FHOD3: variants seen among roughly 807,000 people sequenced by gnomAD.
The protein encoded by FHOD3 is formin homology 2 domain containing 3.
A neutral mutation model predicts 173.0 loss-of-function variants in FHOD3; 90 were observed. That is an observed-to-expected ratio of 0.52 (90% CI 0.44 to 0.62). The LOEUF is 0.62. Among genes scored for constraint, FHOD3 ranks in the 20% least tolerant of loss-of-function variants. The pLI is 0.00. For missense variants in FHOD3, 1,945 were observed against 2,034.7 expected (o/e 0.96, Z 0.85); for synonymous variants, 828 against 823.0 (o/e 1.01, Z -0.10).
intron 5 of FHOD3, among the ~76,000 whole-genome samples, chr18:36,553,205 G>T (rs1282918684): frequency 3.3e-5 from 5 of 152,144 alleles, no homozygotes; most frequent in Non-Finnish European, 5.9e-5. Context: ...TTGATGTGCT[G>T]CTGGATTCGA....
intron 19 of FHOD3, among the ~76,000 whole-genome samples, chr18:36,727,846 A>G (rs998293232): frequency 2.0e-5 from 3 of 152,220 alleles, no homozygotes; most frequent in Non-Finnish European, 4.4e-5. Context: ...TCTCAGGGTG[A>G]TGGCAAGGGG....
At chr18:36,431,113 A>G (rs571893324) in intron 3 of FHOD3, among the ~76,000 whole-genome samples, 36 of 152,378 alleles carry the variant, frequency 2.4e-4, no homozygotes, top group Admixed American at 6.5e-4. Context: ...ATGGAAATGC[A>G]TGTCCTGCCT....
chr18:36,532,196 T>C (rs1411813767), intron 5 of FHOD3, among the ~76,000 whole-genome samples: 2 of 152,222 alleles, frequency 1.3e-5, no homozygotes, highest in African/African-American at 4.8e-5. Context: ...CAAGGCTCTG[T>C]GATTTCTAGA....
chr18:36,555,413 A>G (rs544029209), intron 5 of FHOD3, among the ~76,000 whole-genome samples: 43 of 151,392 alleles, frequency 2.8e-4, no homozygotes, highest in African/African-American at 7.5e-4. Context: ...AACATGCTTT[A>G]TATGACTTCA....
chr18:36,454,823 C>A (rs1390491098), intron 3 of FHOD3, among the ~76,000 whole-genome samples: 2 of 152,136 alleles, frequency 1.3e-5, no homozygotes, highest in Non-Finnish European at 2.9e-5. Context: ...AAACTTTCAA[C>A]CAGGTGTTCC....
chr18:36,761,252 A>AC (rs1244059194), intron 27 of FHOD3, among the ~76,000 whole-genome samples: 4 of 152,090 alleles, frequency 2.6e-5, no homozygotes, highest in Admixed American at 2.0e-4. Context: ...CTACAGCACT[A>AC]CCCCTTTGTC....
chr18:36,718,632 T>A lies in FHOD3; in HGVS notation c.3334T>A (p.Ser1112Thr), dbSNP rs780861283. ...CCGACGCTGCAGAGAATTCCTGTGGTCAAAACTGGAACCCATTAAGGTGGA... is the reference window on the plus strand; with the variant it reads ...CCGACGCTGCAGAGAATTCCTGTGGACAAAACTGGAACCCATTAAGGTGGA... ...NNRRCREFLW[S>T]KLEPIKVDTS... Residue 1112 changes from serine to threonine, a missense_variant, in exon 19 of 29, where the codon TCA (serine) becomes ACA (threonine). By Grantham distance (58) the Ser-to-Thr change is moderately conservative (BLOSUM62 1). Coordinates refer to ENST00000590592, the MANE Select transcript of FHOD3 (RefSeq NM_001281740.3). The A allele has an allele frequency of 6.2e-7, 1 of 1,614,108 alleles. No homozygotes were observed. Among genetic ancestry groups the A allele is most frequent in the Non-Finnish European group, 8.5e-7 (1 of 1,180,016 alleles).
chr18:36,769,526 G>A, intron 28 of FHOD3, 100 bp downstream of exon 28: 1 of 1,427,994 alleles, frequency 7.0e-7, no homozygotes, highest in Non-Finnish European at 9.4e-7. Flanking sequence ...CCAGTGAATT[G>A]TCAGTGGCTC....
chr18:36,437,222 A>T (rs1276957716), intron 3 of FHOD3, among the ~76,000 whole-genome samples: 1 of 152,050 alleles, frequency 6.6e-6, no homozygotes, highest in Non-Finnish European at 1.5e-5. Context: ...GACTCAAGTG[A>T]TCCTCCCACC....
chr18:36,567,186 C>G (rs368107334), intron 5 of FHOD3, among the ~76,000 whole-genome samples: 3 of 152,228 alleles, frequency 2.0e-5, no homozygotes, highest in East Asian at 1.9e-4. Flanking sequence ...AGCAAAGCAT[C>G]TGGGAGTTAG....
intron 17 of FHOD3, among the ~76,000 whole-genome samples, chr18:36,708,278 A>G (rs112796086): frequency 2.6e-5 from 4 of 152,294 alleles, no homozygotes; most frequent in African/African-American, 9.6e-5. Flanking sequence ...ACTTCACATT[A>G]TGAGCAAATA....
chr18:36,602,813 T>C (rs756421039), intron 8 of FHOD3, 45 bp downstream of exon 8: 3 of 1,424,976 alleles, frequency 2.1e-6, no homozygotes, highest in African/African-American at 2.8e-5. Flanking sequence ...CCTAAAAAGA[T>C]ATGTTAAAGC....
At chr18:36,640,259 C>G (rs2035210377) in intron 10 of FHOD3, among the ~76,000 whole-genome samples, 1 of 152,192 alleles carries the variant, frequency 6.6e-6, no homozygotes, top group African/African-American at 2.4e-5. Flanking sequence ...GATGTCTTTT[C>G]ATTCTCTTGG....
At chr18:36,697,799 A>G (rs887704874) in intron 17 of FHOD3, among the ~76,000 whole-genome samples, 7 of 152,218 alleles carry the variant, frequency 4.6e-5, no homozygotes, top group Non-Finnish European at 8.8e-5. Context: ...ATTTAGACAT[A>G]GAGTATCATG....
At chr18:36,625,853 AC>A in intron 10 of FHOD3, 104 bp downstream of exon 10, 2 of 954,846 alleles carry the variant, frequency 2.1e-6, no homozygotes, top group Non-Finnish European at 3.0e-6. Context: ...TTTGTCCCCC[AC>A]CCAGCATTGC....
chr18:36,332,501 C>T (rs1172809584), intron 1 of FHOD3, among the ~76,000 whole-genome samples: 2 of 152,252 alleles, frequency 1.3e-5, no homozygotes, highest in Non-Finnish European at 2.9e-5. Flanking sequence ...ACTTGAGGAA[C>T]TTAACTTGCC....
chr18:36,489,362 T>C (rs1398953328), intron 3 of FHOD3, among the ~76,000 whole-genome samples: 2 of 152,204 alleles, frequency 1.3e-5, no homozygotes, highest in Admixed American at 6.5e-5. Context: ...AGGGATGCCC[T>C]GTTCACAAGC....
Position 36,653,389 on chromosome 18 carries a change from A to G in FHOD3, c.1694A>G (p.Tyr565Cys). The change falls in exon 13 of 29, where the codon TAC (tyrosine) becomes TGC (cysteine). Residue 565 changes from tyrosine (Y) to cysteine (C), a missense_variant. By Grantham distance (194) the Tyr-to-Cys change is radical (BLOSUM62 -2). Coordinates refer to ENST00000590592, the MANE Select transcript of FHOD3 (RefSeq NM_001281740.3). ...AGCACATATTCTGCCTCTGAGCCTT[A>G]CCACTTCCGATCTTTCTCTTCTAAT... ...SLSTYSASEP[Y>C]HFRSFSSNRY... is the part of the protein sequence containing the mutation. The G allele has an allele frequency of 6.5e-7, 1 of 1,534,736 alleles. No homozygotes were observed. Among genetic ancestry groups the G allele is most frequent in the Non-Finnish European group, 8.7e-7 (1 of 1,146,248 alleles).
At position 36,652,698 on chromosome 18, in the gene FHOD3, C is replaced by T. The variant is rs753763105; in HGVS notation, c.1415C>T (p.Thr472Ile). The T allele has an allele frequency of 1.1e-5, 17 of 1,535,646 alleles. No homozygotes were observed. In the South Asian group the frequency reaches 1.7e-4, roughly 15 times the overall value. Reference sequence around the variant, plus strand: ...CTTCTGGTTGGCACTGCAGGCGGGACCACCTGGCACAGTGGGTCCTCTGGG... The same window carrying T: ...CTTCTGGTTGGCACTGCAGGCGGGATCACCTGGCACAGTGGGTCCTCTGGG... ...KPLLVGTAGG[T>I]TWHSGSSGSE... The change falls in exon 12 of 29, where the codon ACC becomes ATC. Residue 472 changes from threonine (T) to isoleucine (I), a missense_variant. Physicochemically the swap from Thr to Ile is moderately conservative, Grantham distance 89. Transcript: ENST00000590592.
Sources: gnomAD v4.1 joint callset for allele counts (sites outside exome capture counted in the v4.1 genomes callset) on GRCh38, gnomAD v4.1.1 for gene constraint, MANE v1.5 for transcripts, NCBI Gene and HGNC (gene_info 2026-07-23, HGNC 2026-07-21) for gene names.